Variants in GAP43 observed in about 807,000 individuals in gnomAD.
The protein encoded by GAP43 is growth associated protein 43.
A neutral mutation model predicts 18.6 loss-of-function variants in GAP43; 6 were observed. The ratio of observed to expected loss-of-function variants is 0.32; its 90% CI spans 0.18 to 0.64. GAP43 has a LOEUF of 0.64. Ranked by LOEUF, GAP43 falls within the 30% of genes least tolerant of loss-of-function variation. GAP43 has a pLI of 0.78. For missense variants in GAP43, 292 were observed against 295.5 expected (o/e 0.99, Z 0.09); for synonymous variants, 115 against 111.4 (o/e 1.03, Z -0.20).
intron 1 of GAP43, among the ~76,000 whole-genome samples, chr3:115,658,067 C>T (rs1345136897): frequency 1.3e-5 from 2 of 152,124 alleles, no homozygotes; most frequent in Non-Finnish European, 2.9e-5. Context: ...GCATTCAACA[C>T]TGAAATAATC....
chr3:115,642,841 T>C lies in GAP43; in HGVS notation c.30+19122T>C, dbSNP rs1177690912. The stretch of plus-strand genomic sequence containing the variant: ...ACATTAAGTGAGTCATATACCTAAA[T>C]AGCTTTTTGTGGTGATTCTTAAAGG... On this transcript the variant is annotated intron_variant, in intron 1 of 2. Transcript: ENST00000305124. Among the ~76,000 whole-genome samples, 7 of 152,080 alleles carry C rather than the reference T, an allele frequency of 4.6e-5. No homozygotes were observed. The South Asian group carries it at 1.2e-3, about 27-fold the overall frequency.
intron 2 of GAP43, among the ~76,000 whole-genome samples, chr3:115,683,128 C>CACGT (rs1559800312): frequency 5.6e-5 from 7 of 124,514 alleles, no homozygotes; most frequent in African/African-American, 2.1e-4. Flanking sequence ...TACATGTGCG[C>CACGT]GCGCGTGCGC....
chr3:115,691,357 C>G (rs918150656), intron 2 of GAP43, among the ~76,000 whole-genome samples: 1 of 152,138 alleles, frequency 6.6e-6, no homozygotes, highest in African/African-American at 2.4e-5. Context: ...GGAATCGGAC[C>G]TATCTATGTT....
chr3:115,696,575 A>ACCC (rs1451962895), intron 2 of GAP43, among the ~76,000 whole-genome samples: 1 of 32,718 alleles, frequency 3.1e-5, no homozygotes, highest in African/African-American at 1.3e-4. Flanking sequence ...GCTGCCCCCC[A>ACCC]CCGCCCCCCC....
At chr3:115,696,646 A>C (rs1315995985) in intron 2 of GAP43, among the ~76,000 whole-genome samples, 1 of 131,154 alleles carries the variant, frequency 7.6e-6, no homozygotes, top group Non-Finnish European at 1.5e-5. Context: ...CCTCTGCCTC[A>C]AAACCTCCCT....
chr3:115,676,454 G>C lies in GAP43; in HGVS notation c.472G>C (p.Asp158His). Residue 158 changes from aspartate to histidine, a missense_variant, in exon 2 of 3, where the codon GAT (aspartate) becomes CAT (histidine). Transcript: ENST00000305124. ...TAACTCGCCGTCCTCCAAGGCTGAAGATGCCCCAGCCAAGGAGGAGCCTAA... is the reference window on the plus strand; with the variant it reads ...TAACTCGCCGTCCTCCAAGGCTGAACATGCCCCAGCCAAGGAGGAGCCTAA... Reference protein sequence around the residue: ...TDNSPSSKAEDAPAKEEPKQA... With the variant: ...TDNSPSSKAEHAPAKEEPKQA... 6.2e-7 allele frequency: 1 copy of C among 1,614,136 alleles called. No individual in the cohort carries two copies. The highest frequency in any genetic ancestry group is 8.5e-7 in the Non-Finnish European group (1 of 1,180,024).
intron 2 of GAP43, among the ~76,000 whole-genome samples, chr3:115,709,872 CAT>C (rs969255403): frequency 2.1e-4 from 32 of 148,914 alleles, no homozygotes; most frequent in Middle Eastern, 3.4e-3. Flanking sequence ...TATACACACA[CAT>C]GAGCAATTGA....
intron 1 of GAP43, among the ~76,000 whole-genome samples, chr3:115,625,069 G>A (rs1050620233): frequency 1.3e-5 from 2 of 152,026 alleles, no homozygotes; most frequent in South Asian, 4.2e-4. Context: ...AGAGAGTGGA[G>A]AAGAAACAGC....
chr3:115,695,026 A>T (rs3772932), intron 2 of GAP43, among the ~76,000 whole-genome samples: 105,231 of 152,132 alleles, frequency 0.69, 39,786 homozygotes, highest in Middle Eastern at 0.86. Flanking sequence ...TGCCAGTTGA[A>T]CTGTTTTTAT....
intron 2 of GAP43, among the ~76,000 whole-genome samples, chr3:115,693,487 A>AATT (rs142558403): frequency 1.6e-4 from 23 of 144,598 alleles, no homozygotes; most frequent in East Asian, 1.2e-3. Context: ...AATCCTGTTA[A>AATT]ATTATTATTA....
intron 1 of GAP43, 112 bp downstream of exon 1, chr3:115,623,831 G>A: frequency 9.4e-7 from 1 of 1,064,410 alleles, no homozygotes; most frequent in Admixed American, 1.7e-5. Context: ...TGGTGCTCGC[G>A]CTTCCTTAGC....
intron 1 of GAP43, among the ~76,000 whole-genome samples, chr3:115,626,710 G>T (rs116454076): frequency 1.7e-3 from 257 of 152,234 alleles, no homozygotes; most frequent in African/African-American, 5.8e-3. Context: ...ACTTTAGTTT[G>T]TAATTGAAGT....
intron 1 of GAP43, among the ~76,000 whole-genome samples, chr3:115,647,109 G>A (rs946686626): frequency 6.6e-6 from 1 of 151,996 alleles, no homozygotes; most frequent in Non-Finnish European, 1.5e-5. Context: ...CCTTTGGAAG[G>A]TGATTAGGTC....
intron 1 of GAP43, among the ~76,000 whole-genome samples, chr3:115,634,726 C>T (rs1559788501): frequency 6.6e-6 from 1 of 152,030 alleles, no homozygotes; most frequent in Non-Finnish European, 1.5e-5. Flanking sequence ...GCTCTGATCA[C>T]ACCACTGCAC....
intron 2 of GAP43, among the ~76,000 whole-genome samples, chr3:115,695,365 T>C (rs961507220): frequency 6.6e-6 from 1 of 152,204 alleles, no homozygotes; most frequent in African/African-American, 2.4e-5. Context: ...ACATTTATTA[T>C]TAGTTTAGTC....
chr3:115,638,771 T>G (rs766770098), intron 1 of GAP43, among the ~76,000 whole-genome samples: 1 of 151,994 alleles, frequency 6.6e-6, no homozygotes, highest in African/African-American at 2.4e-5. Flanking sequence ...CCTGTTTATT[T>G]CCGTGATAAT....
intron 1 of GAP43, among the ~76,000 whole-genome samples, chr3:115,631,903 G>C (rs1708264611): frequency 6.6e-6 from 1 of 152,192 alleles, no homozygotes; most frequent in Non-Finnish European, 1.5e-5. Context: ...TTACAGGCAT[G>C]AGCCGGGCAC....
At chr3:115,700,839 C>G (rs561831949) in intron 2 of GAP43, among the ~76,000 whole-genome samples, 1 of 152,208 alleles carries the variant, frequency 6.6e-6, no homozygotes, top group African/African-American at 2.4e-5. Context: ...TCAGTAATTA[C>G]ACAGGATGCC....
chr3:115,696,249 C>A (rs1173257098), intron 2 of GAP43, among the ~76,000 whole-genome samples: 1 of 152,046 alleles, frequency 6.6e-6, no homozygotes, highest in Non-Finnish European at 1.5e-5. Flanking sequence ...CTCCTTCTCC[C>A]GTCTTTCTCA....
Sources: gnomAD v4.1 joint callset for allele counts (sites outside exome capture counted in the v4.1 genomes callset) on GRCh38, gnomAD v4.1.1 for gene constraint, MANE v1.5 for transcripts, NCBI Gene and HGNC (gene_info 2026-07-23, HGNC 2026-07-21) for gene names.